CFAP52: variants seen among roughly 807,000 people sequenced by gnomAD.
CFAP52 encodes the protein cilia- and flagella-associated protein 52.
In CFAP52, 57 loss-of-function variants were observed where a neutral mutation model predicts 70.5. That is an observed-to-expected ratio of 0.81 (90% CI 0.65 to 1.01). CFAP52 has a LOEUF of 1.01. Among genes scored for constraint, CFAP52 ranks in the 50% least tolerant of loss-of-function variants. CFAP52 has a pLI of 0.00. For synonymous variants in CFAP52, 267 were observed against 292.5 expected (o/e 0.91, Z 0.89); for missense variants, 785 against 788.5 (o/e 1.00, Z 0.05).
At chr17:9,632,853 G>C in intron 9 of CFAP52, 35 bp from the exon 10 acceptor site, 1 of 1,609,762 alleles carries the variant, frequency 6.2e-7, no homozygotes, top group Non-Finnish European at 8.5e-7. Flanking sequence ...TGCATATACT[G>C]ATCCTGCCTG....
chr17:9,624,363 T>A (rs539980183), intron 8 of CFAP52, among the ~76,000 whole-genome samples: 189 of 152,236 alleles, frequency 1.2e-3, no homozygotes, highest in African/African-American at 4.5e-3. Context: ...CTTCAATTTT[T>A]AAAATCTTTT....
At chr17:9,645,489 C>T, downstream of CFAP52, 1 of 826,786 alleles carries the variant, frequency 1.2e-6, no homozygotes, top group Non-Finnish European at 1.5e-6. The surrounding 1 kb of genome is among the most constrained non-coding windows in gnomAD (Gnocchi z 6.8). Flanking sequence ...CTGCCCCGCC[C>T]TTGGCTCCGC....
At chr17:9,623,930 AT>A (rs1470978095) in intron 8 of CFAP52, among the ~76,000 whole-genome samples, 2 of 152,076 alleles carry the variant, frequency 1.3e-5, no homozygotes, top group African/African-American at 4.8e-5. Context: ...ATCTGGAAAC[AT>A]TTTTTTAGCC....
At chr17:9,630,621 G>A (rs1475501003) in intron 9 of CFAP52, among the ~76,000 whole-genome samples, 16 of 150,500 alleles carry the variant, frequency 1.1e-4, no homozygotes, top group East Asian at 2.1e-4. Flanking sequence ...TAGTAGAGAC[G>A]GGGTTTCACC....
intron 12 of CFAP52, chr17:9,639,030 G>A (rs1475504235): frequency 1.1e-5 from 3 of 282,326 alleles, no homozygotes; most frequent in Non-Finnish European, 2.0e-5. Context: ...TCTGAGACTG[G>A]AGTAGAATTG....
chr17:9,584,773 CA>C (rs1450530474), intron 1 of CFAP52, among the ~76,000 whole-genome samples: 1 of 151,894 alleles, frequency 6.6e-6, no homozygotes, highest in Non-Finnish European at 1.5e-5. Flanking sequence ...AGGTGCCCAC[CA>C]CCAAGCCCAG....
intron 13 of CFAP52, 68 bp downstream of exon 13, chr17:9,641,903 G>A (rs1019637027): frequency 5.7e-5 from 79 of 1,392,516 alleles, no homozygotes; most frequent in Non-Finnish European, 9.1e-6. Flanking sequence ...GAACTCCCAG[G>A]CTAGAGGCAA....
rs1712558902 is a variant in CFAP52, at chr17:9,631,191, C to T, written c.1175-1697C>T. On this transcript the variant is annotated intron_variant, in intron 9 of 13. Transcript: ENST00000352665. ...ATGACAAAGATCCCCCCATCACCTACAAGGCTCCATGTGAATTTCTGTCCT... is the reference window on the plus strand; with the variant it reads ...ATGACAAAGATCCCCCCATCACCTATAAGGCTCCATGTGAATTTCTGTCCT... Among the ~76,000 whole-genome samples, 4 of 152,086 alleles carry T rather than the reference C, an allele frequency of 2.6e-5. No individual in the cohort carries two copies. In the South Asian group the frequency reaches 8.3e-4, roughly 32 times the overall value.
chr17:9,614,659 GC>G (rs1168830869), intron 8 of CFAP52, among the ~76,000 whole-genome samples: 1 of 151,960 alleles, frequency 6.6e-6, no homozygotes, highest in African/African-American at 2.4e-5. Flanking sequence ...ATTGAATTAG[GC>G]CAGGATTTCT....
intron 6 of CFAP52, among the ~76,000 whole-genome samples, chr17:9,604,624 C>T (rs1288487940): frequency 1.3e-5 from 2 of 151,774 alleles, no homozygotes; most frequent in Non-Finnish European, 2.9e-5. Context: ...AAAAGTTAGC[C>T]AAGTGTGGTG....
At chr17:9,591,916 G>A (rs902177218) in intron 3 of CFAP52, among the ~76,000 whole-genome samples, 2 of 151,986 alleles carry the variant, frequency 1.3e-5, no homozygotes, top group Non-Finnish European at 2.9e-5. Context: ...AGCTATTTCC[G>A]GCCATGGCTT....
chr17:9,578,222 T>C (rs1567617384), intron 1 of CFAP52, among the ~76,000 whole-genome samples: 2 of 152,258 alleles, frequency 1.3e-5, no homozygotes, highest in Admixed American at 1.3e-4. Context: ...ATCACTCATA[T>C]TCACCTTGGG....
rs146979019 is a variant in CFAP52 at position 9,638,665 on chromosome 17, A to G, written c.1529A>G (p.Tyr510Cys). The G allele has an allele frequency of 1.7e-4, 282 of 1,614,080 alleles. 3 individuals are homozygous for G. Among genetic ancestry groups the G allele is most frequent in the South Asian group, 8.5e-4 (77 of 91,078 alleles). The change falls in exon 12 of 14, where the codon TAT becomes TGT. Residue 510 changes from tyrosine (Y) to cysteine (C), a missense_variant. Coordinates refer to ENST00000352665, the MANE Select transcript of CFAP52 (RefSeq NM_145054.5). The part of the protein sequence containing the change: ...LANTLFQCVC[Y>C]HPEEFQIITS... ...AACACCTTATTCCAGTGTGTGTGCT[A>G]TCACCCTGAGGAGTTCCAGATCATC...
At chr17:9,623,897 A>T (rs1910140507) in intron 8 of CFAP52, among the ~76,000 whole-genome samples, 2 of 152,130 alleles carry the variant, frequency 1.3e-5, no homozygotes, top group South Asian at 4.1e-4. Context: ...GCCTCTACTG[A>T]ATAATTATCT....
In CFAP52 at chr17:9,594,232, T is replaced by C; in HGVS notation, c.447T>C (p.Cys149=). 6.2e-7 allele frequency: 1 copy of C among 1,614,016 alleles called. No homozygotes were observed. Among genetic ancestry groups the C allele is most frequent in the Non-Finnish European group, 8.5e-7 (1 of 1,179,964 alleles). Reference sequence around the variant, plus strand: ...GCATAGCCAAGAGAGATGCCATCTGTGGCAGCCCTGCAGCCGGCCTCAATG... The same window carrying C: ...GCATAGCCAAGAGAGATGCCATCTGCGGCAGCCCTGCAGCCGGCCTCAATG... ...VWSIAKRDAI[C]GSPAAGLNVG... Residue 149 remains cysteine (C), a synonymous_variant, in exon 4 of 14, where the codon TGT becomes TGC. Coordinates refer to ENST00000352665, the MANE Select transcript of CFAP52 (RefSeq NM_145054.5).
intron 10 of CFAP52, among the ~76,000 whole-genome samples, chr17:9,634,541 CGCCATTGCATTGCACTCCA>C (rs955573263): frequency 4.0e-5 from 6 of 150,508 alleles, no homozygotes; most frequent in Non-Finnish European, 7.4e-5. Flanking sequence ...GCCGAGACCA[CGCCATTGCATTGCACTCCA>C]GCCTGGGTGA....
At position 9,579,586 on chromosome 17, in the gene CFAP52, G is replaced by C. The variant is rs180734689; in HGVS notation, c.70+2821G>C. On this transcript the variant is annotated intron_variant, in intron 1 of 13. Transcript: ENST00000352665. The stretch of plus-strand genomic sequence containing the variant: ...ATTATTCAACTTGAATTTTGTTTTT[G>C]AGATGGAGTCTCACCCTGTCTCCCA... Among the ~76,000 whole-genome samples the C allele has an allele frequency of 1.3e-3, 198 of 152,262 alleles. 2 individuals are homozygous for C. The highest frequency in any genetic ancestry group is 0.011 in the East Asian group (59 of 5,188).
At chr17:9,603,741 C>T (rs9889489) in intron 6 of CFAP52, among the ~76,000 whole-genome samples, 99,667 of 152,034 alleles carry the variant, frequency 0.66, 33,992 homozygotes, top group Admixed American at 0.75. Flanking sequence ...ATGTAGATGA[C>T]GGGTTGATGG....
At position 9,586,864 on chromosome 17, in the gene CFAP52, C is replaced by A. The variant is rs371704648; in HGVS notation, c.407+30C>A. 1.0e-3 allele frequency: 1,603 copies of A among 1,556,962 alleles called. 4 individuals carry two copies. Among genetic ancestry groups the A allele is most frequent in the Non-Finnish European group, 1.3e-3 (1,495 of 1,157,148 alleles). On this transcript the variant is annotated intron_variant, in intron 3 of 13. Transcript: ENST00000352665. ...TGAACTAAACATAGTTACTTATTTT[C>A]TTTATTTTTTTTAACTTTTATTTCA...
Sources: gnomAD v4.1 joint callset for allele counts (sites outside exome capture counted in the v4.1 genomes callset) on GRCh38, gnomAD v4.1.1 for gene constraint, Gnocchi (gnomAD v3.1) non-coding constraint, MANE v1.5 for transcripts, NCBI Gene and HGNC (gene_info 2026-07-23, HGNC 2026-07-21) for gene names.